ARMC8: variants seen among roughly 807,000 people sequenced by gnomAD.
ARMC8 encodes the protein armadillo repeat containing 8.
Under a neutral mutation model 99.3 loss-of-function variants are expected in ARMC8, and 20 were observed. The ratio of observed to expected loss-of-function variants is 0.20; its 90% CI spans 0.14 to 0.29. The LOEUF is 0.29. Ranked by LOEUF, ARMC8 falls within the 10% of genes least tolerant of loss-of-function variation. ARMC8 has a pLI of 1.00. For missense variants in ARMC8, 569 were observed against 809.5 expected, an observed-to-expected ratio of 0.70 and a Z score of 3.60; for synonymous variants, 263 against 278.3, an observed-to-expected ratio of 0.95 and a Z score of 0.55.
intron 1 of ARMC8, 86 bp from the exon 2 acceptor site, chr3:138,209,731 A>G (rs1295977032): frequency 8.9e-7 from 1 of 1,128,814 alleles, no homozygotes; most frequent in African/African-American, 1.5e-5. Context: ...AAGTTAAATT[A>G]TCTAGTCACT....
intron 1 of ARMC8, among the ~76,000 whole-genome samples, chr3:138,202,816 A>G (rs916673709): frequency 3.9e-5 from 6 of 152,168 alleles, no homozygotes; most frequent in Non-Finnish European, 8.8e-5. Context: ...TAAGTTTGGT[A>G]TTTTCCTATT....
At position 138,297,767 on chromosome 3, in the gene ARMC8, G is replaced by A. The variant is rs1316107440; in HGVS notation, c.*1875G>A. Reference sequence around the variant, plus strand: ...AGTTAAAAGAAAACTTAGTTTATTGGGAAGAAAGCCTCAGGCCCACTCGTT... The same window carrying A: ...AGTTAAAAGAAAACTTAGTTTATTGAGAAGAAAGCCTCAGGCCCACTCGTT... On this transcript the variant is annotated 3_prime_UTR_variant, in exon 22 of 22. Coordinates refer to ENST00000469044, the MANE Select transcript of ARMC8 (RefSeq NM_001363941.2). 6.6e-6 allele frequency: 1 copy of A among 152,182 alleles called. No homozygotes were observed. Among genetic ancestry groups the A allele is most frequent in the Admixed American group, 6.6e-5 (1 of 15,260 alleles). 9.4% of individuals were successfully genotyped at this position (152,182 alleles called of 1,614,324 possible). A position where few individuals can be genotyped will look rare whatever the true frequency, so the allele number is the denominator to read the frequency against.
intron 1 of ARMC8, among the ~76,000 whole-genome samples, chr3:138,193,983 A>G (rs2043543889): frequency 6.6e-6 from 1 of 151,932 alleles, no homozygotes; most frequent in African/African-American, 2.4e-5. Flanking sequence ...GCTATTATAA[A>G]CAGCTGGGCA....
At chr3:138,234,013 AT>A (rs1262864813) in intron 6 of ARMC8, among the ~76,000 whole-genome samples, 1 of 152,126 alleles carries the variant, frequency 6.6e-6, no homozygotes, top group Non-Finnish European at 1.5e-5. Context: ...TAGTACATTG[AT>A]TAGTAGAAAA....
intron 12 of ARMC8, chr3:138,262,569 G>A (rs765092119): frequency 1.2e-6 from 2 of 1,611,738 alleles, no homozygotes; most frequent in South Asian, 1.1e-5. Flanking sequence ...TTCAACCTTG[G>A]CTGTGTACTG....
chr3:138,213,007 T>C (rs527857581), intron 2 of ARMC8, among the ~76,000 whole-genome samples: 13 of 152,338 alleles, frequency 8.5e-5, no homozygotes, highest in Non-Finnish European at 1.0e-4. Context: ...GTGGAAGGCA[T>C]GTGTAGTTAA....
intron 21 of ARMC8, among the ~76,000 whole-genome samples, chr3:138,292,152 C>G (rs1368991196): frequency 1.3e-5 from 2 of 152,166 alleles, no homozygotes; most frequent in Non-Finnish European, 2.9e-5. Flanking sequence ...ATTCTCCTGC[C>G]TCAGCCTCCC....
chr3:138,244,372 G>T (rs1255204154), intron 11 of ARMC8, among the ~76,000 whole-genome samples: 2 of 152,034 alleles, frequency 1.3e-5, no homozygotes, highest in Non-Finnish European at 2.9e-5. Flanking sequence ...CTGCCTCCTG[G>T]GTTCACACCA....
chr3:138,267,245 A>G lies in ARMC8; in HGVS notation c.1386+4A>G, dbSNP rs1170086430. On this transcript the variant is annotated splice_donor_region_variant and intron_variant, in intron 15 of 21. Coordinates refer to ENST00000469044, the MANE Select transcript of ARMC8 (RefSeq NM_001363941.2). ...TGAATTTTCTCCAAGCAAAGAGGTT[A>G]GTATTGATTTTCTTTTCCTAGACTT... is the stretch of plus-strand genomic sequence containing the variant. The G allele has an allele frequency of 1.3e-6, 2 of 1,535,418 alleles. No homozygotes were observed. The highest frequency in any genetic ancestry group is 2.7e-5 in the African/African-American group (2 of 73,212).
At chr3:138,246,784 A>G (rs1026542032) in intron 12 of ARMC8, 7 of 984,368 alleles carry the variant, frequency 7.1e-6, no homozygotes, top group East Asian at 1.1e-4. Flanking sequence ...TCAGTAGTCT[A>G]TTAAAACTTG....
At chr3:138,188,460 G>A in intron 1 of ARMC8, 2 of 1,611,976 alleles carry the variant, frequency 1.2e-6, no homozygotes, top group Non-Finnish European at 1.7e-6. Context: ...ACCAGGACCA[G>A]GAATGAAAGT....
chr3:138,246,142 C>A, intron 12 of ARMC8: 1 of 985,566 alleles, frequency 1.0e-6, no homozygotes, highest in Non-Finnish European at 1.2e-6. Flanking sequence ...AACAACCTTA[C>A]ATTTGTTGAA....
chr3:138,263,895 G>A, intron 13 of ARMC8, 74 bp downstream of exon 13: 21 of 1,298,822 alleles, frequency 1.6e-5, no homozygotes, highest in Non-Finnish European at 2.2e-5. Flanking sequence ...GTCCTTCACT[G>A]AGTAAACACA....
At chr3:138,284,938 T>G (rs1364860874) in intron 19 of ARMC8, among the ~76,000 whole-genome samples, 1 of 152,238 alleles carries the variant, frequency 6.6e-6, no homozygotes, top group Admixed American at 6.5e-5. Context: ...CCTACTGCCA[T>G]GGCCATATCC....
chr3:138,284,342 T>A (rs1412334687), intron 18 of ARMC8, 89 bp from the exon 19 acceptor site: 19 of 927,648 alleles, frequency 2.0e-5, no homozygotes, highest in Non-Finnish European at 2.3e-5. Flanking sequence ...TCCATGTACC[T>A]TCAAGTGAAA....
chr3:138,273,045 T>C lies in ARMC8; in HGVS notation c.1558T>C (p.Leu520=). 1.2e-6 allele frequency: 2 copies of C among 1,613,656 alleles called. No individual in the cohort carries two copies. ...GAGTACTGAACAGCTATTCCGGTTA[T>C]TATCAGATTCAGATTTGAATGTGCT... The part of the protein sequence containing the change: ...SLSTEQLFRL[L]SDSDLNVLMK... The change falls in exon 17 of 22, where the codon TTA becomes CTA. Residue 520 remains leucine (L), a synonymous_variant. Coordinates refer to ENST00000469044, the MANE Select transcript of ARMC8 (RefSeq NM_001363941.2).
chr3:138,295,868 G>A lies in ARMC8; in HGVS notation c.1998G>A (p.Met666Ile). 6.2e-7 allele frequency: 1 copy of A among 1,613,674 alleles called. No individual in the cohort carries two copies. Among genetic ancestry groups the A allele is most frequent in the Non-Finnish European group, 8.5e-7 (1 of 1,179,776 alleles). Residue 666 changes from methionine (M) to isoleucine (I), a missense_variant, in exon 22 of 22, where the codon ATG becomes ATA. Physicochemically the swap from Met to Ile is conservative, Grantham distance 10. Transcript: ENST00000469044. ...PDSNLCDKAK[M>I]ALQQYLA ...AATTTTGTGATTTCAGGGCAAAGAT[G>A]GCACTGCAGCAGTACCTGGCATGAT...
At chr3:138,258,483 A>G (rs1458181525) in intron 12 of ARMC8, among the ~76,000 whole-genome samples, 1 of 152,170 alleles carries the variant, frequency 6.6e-6, no homozygotes, top group Non-Finnish European at 1.5e-5. Flanking sequence ...CTTGTAGCCA[A>G]AGGCCCATTT....
At chr3:138,260,327 A>G (rs1257238286) in intron 12 of ARMC8, among the ~76,000 whole-genome samples, 3 of 152,208 alleles carry the variant, frequency 2.0e-5, no homozygotes, top group Non-Finnish European at 4.4e-5. Context: ...ATTACAAAAG[A>G]TTGGAGATAA....
Sources: gnomAD v4.1 joint callset for allele counts (sites outside exome capture counted in the v4.1 genomes callset) on GRCh38, gnomAD v4.1.1 for gene constraint, MANE v1.5 for transcripts, NCBI Gene and HGNC (gene_info 2026-07-23, HGNC 2026-07-21) for gene names.